Variants in TMEM178B observed in about 807,000 individuals in gnomAD.
TMEM178B encodes transmembrane protein 178B.
Under a neutral mutation model 31.0 loss-of-function variants are expected in TMEM178B, and 5 were observed. The ratio of observed to expected loss-of-function variants is 0.16; its 90% CI spans 0.08 to 0.34. The LOEUF (loss-of-function observed/expected upper bound fraction) is 0.34. Ranked by LOEUF, TMEM178B falls within the 10% of genes least tolerant of loss-of-function variation. The pLI, the probability that TMEM178B is intolerant of heterozygous loss-of-function variation, is 1.00. For missense variants in TMEM178B, 275 were observed against 400.3 expected (o/e 0.69, Z 2.67); for synonymous variants, 164 against 164.0 (o/e 1.00, Z 0.00).
At position 141,459,062 on chromosome 7, in the gene TMEM178B, T is replaced by G. The variant is rs189702128; in HGVS notation, c.635-11474T>G. 2.5e-3 allele frequency among the ~76,000 whole-genome samples: 376 copies of G among 152,346 alleles called. 3 individuals carry two copies. The highest frequency in any genetic ancestry group is 8.7e-3 in the African/African-American group (362 of 41,582). ...TTTGTTTTTTGAGACAGAGTTTCAC[T>G]CTTATTGCCCAGGCTCGTGTGCAAT... On this transcript the variant is annotated intron_variant, in intron 3 of 3. Coordinates refer to ENST00000565468, the MANE Select transcript of TMEM178B (RefSeq NM_001195278.2).
rs542630003 is a variant in TMEM178B, at chr7:141,122,594, G to A, written c.382+47902G>A. 3.3e-5 allele frequency among the ~76,000 whole-genome samples: 5 copies of A among 152,314 alleles called. No individual in the cohort carries two copies. The South Asian group carries it at 8.3e-4, about 25-fold the overall frequency. On this transcript the variant is annotated intron_variant, in intron 1 of 3. Coordinates refer to ENST00000565468, the MANE Select transcript of TMEM178B (RefSeq NM_001195278.2). ...AGCATCGTGGGAGATGAAATGCTGGGTCCAGGGACATCTCCATGTACTGTG... is the reference window on the plus strand; with the variant it reads ...AGCATCGTGGGAGATGAAATGCTGGATCCAGGGACATCTCCATGTACTGTG...
chr7:141,455,162 C>T (rs1801941067), intron 3 of TMEM178B, among the ~76,000 whole-genome samples: 1 of 152,150 alleles, frequency 6.6e-6, no homozygotes, highest in Non-Finnish European at 1.5e-5. Context: ...CTTTCTTGAC[C>T]TCTCTATCCT....
At chr7:141,510,684 T>TAAAAAAAAAA in the TMEM178B span, among the ~76,000 whole-genome samples, 1 of 3,490 alleles carries the variant, frequency 2.9e-4, no homozygotes, top group African/African-American at 4.5e-4. Context: ...AAACTCCGTC[T>TAAAAAAAAAA]CAAAAAAAAA....
intron 2 of TMEM178B, among the ~76,000 whole-genome samples, chr7:141,306,750 A>G (rs1586882893): frequency 6.6e-6 from 1 of 152,006 alleles, no homozygotes; most frequent in Admixed American, 6.6e-5. Context: ...TTAAAAAACC[A>G]CAGTGACTCC....
At position 141,187,152 on chromosome 7, in the gene TMEM178B, T is replaced by G. The variant is rs1796623386; in HGVS notation, c.383-25439T>G. 2.9e-5 allele frequency among the ~76,000 whole-genome samples: 4 copies of G among 138,506 alleles called. No homozygotes were observed. In the Admixed American group the frequency reaches 3.0e-4, roughly 11 times the overall value. 90.9% of individuals were successfully genotyped at this position (138,506 alleles called of 152,430 possible). A position where few individuals can be genotyped will look rare whatever the true frequency, so the allele number is the denominator to read the frequency against. On this transcript the variant is annotated intron_variant, in intron 1 of 3. Transcript: ENST00000565468. ...TTCCCCTTCCTGTGTCCATGTGTTC[T>G]CATTGTTCAATTCCCACCTATGAGT... is the stretch of plus-strand genomic sequence containing the variant.
chr7:141,258,161 C>CATATAT (rs56343433), intron 2 of TMEM178B, among the ~76,000 whole-genome samples: 5 of 146,804 alleles, frequency 3.4e-5, no homozygotes, highest in Non-Finnish European at 6.0e-5. Flanking sequence ...ATTATTATCT[C>CATATAT]ATATATATAT....
At chr7:141,132,679 A>T (rs1265112230) in intron 1 of TMEM178B, among the ~76,000 whole-genome samples, 1 of 152,026 alleles carries the variant, frequency 6.6e-6, no homozygotes, top group African/African-American at 2.4e-5. Flanking sequence ...CACCACCCAT[A>T]TCATGCGTGC....
chr7:141,417,790 T>C (rs529656604), intron 2 of TMEM178B, among the ~76,000 whole-genome samples: 1 of 152,346 alleles, frequency 6.6e-6, no homozygotes, highest in South Asian at 2.1e-4. Context: ...TAGCAGTTAC[T>C]TTGTGCCAGC....
chr7:141,123,285 T>G (rs1423962983), intron 1 of TMEM178B, among the ~76,000 whole-genome samples: 2 of 152,238 alleles, frequency 1.3e-5, no homozygotes, highest in Non-Finnish European at 2.9e-5. Flanking sequence ...TGGGAGTCTC[T>G]CCCTTTATAT....
At chr7:141,255,489 T>C (rs1445036647) in intron 2 of TMEM178B, among the ~76,000 whole-genome samples, 1 of 152,184 alleles carries the variant, frequency 6.6e-6, no homozygotes, top group Non-Finnish European at 1.5e-5. Context: ...GGATCACTAG[T>C]AAGGAAATTG....
At chr7:141,465,642 A>G (rs1198511122) in intron 3 of TMEM178B, among the ~76,000 whole-genome samples, 1 of 152,218 alleles carries the variant, frequency 6.6e-6, no homozygotes, top group Non-Finnish European at 1.5e-5. Context: ...AGGATCTACC[A>G]TGCACCTACA....
intron 2 of TMEM178B, chr7:141,352,290 TACAG>T (rs907472791): frequency 6.6e-6 from 1 of 151,842 alleles, no homozygotes; most frequent in Non-Finnish European, 1.5e-5. Flanking sequence ...AGGAGGGAGC[TACAG>T]ACAGACTGTG....
chr7:141,132,427 T>G (rs2129177907), intron 1 of TMEM178B, among the ~76,000 whole-genome samples: 1 of 152,364 alleles, frequency 6.6e-6, no homozygotes, highest in South Asian at 2.1e-4. Flanking sequence ...TGTTACACTT[T>G]AATCAACATT....
At chr7:141,181,903 C>T (rs913617462) in intron 1 of TMEM178B, among the ~76,000 whole-genome samples, 4 of 152,322 alleles carry the variant, frequency 2.6e-5, no homozygotes, top group African/African-American at 9.6e-5. Context: ...CCAAAGAGTC[C>T]TGCTGCTGGA....
chr7:141,247,032 C>T, intron 2 of TMEM178B, among the ~76,000 whole-genome samples: 1 of 152,018 alleles, frequency 6.6e-6, no homozygotes, highest in South Asian at 2.1e-4. Flanking sequence ...CTCTGATTCG[C>T]GATAGGACTT....
intron 2 of TMEM178B, among the ~76,000 whole-genome samples, chr7:141,379,147 CAG>C (rs1800269871): frequency 6.6e-6 from 1 of 152,098 alleles, no homozygotes; most frequent in African/African-American, 2.4e-5. Context: ...TGCCAGTTAA[CAG>C]AGTGTTCTGG....
the TMEM178B span, among the ~76,000 whole-genome samples, chr7:141,494,292 A>C: frequency 6.6e-6 from 1 of 152,176 alleles, no homozygotes; most frequent in Non-Finnish European, 1.5e-5. Flanking sequence ...CTTTATAACT[A>C]TTATATACAA....
rs1188068949 is a variant in TMEM178B at position 141,422,597 on chromosome 7, CCTCTGGCCT to C, written c.497-15009_497-15001del. On this transcript the variant is annotated intron_variant, in intron 2 of 3. Coordinates refer to ENST00000565468, the MANE Select transcript of TMEM178B (RefSeq NM_001195278.2). This position sits in a 1 kb window ranked among gnomAD's most constrained non-coding sequence, Gnocchi z 4.2. ...TGTTGCCAGAGGCAGCATGAAACAGCCTCTGGCCTCATTGTTTCAGGCCACAGCTAGGCA... is the reference window on the plus strand; with the variant it reads ...TGTTGCCAGAGGCAGCATGAAACAGCCATTGTTTCAGGCCACAGCTAGGCA... Among the ~76,000 whole-genome samples, 93 of 142,076 alleles carry C rather than the reference CCTCTGGCCT, an allele frequency of 6.5e-4. No individual in the cohort carries two copies. Among genetic ancestry groups the C allele is most frequent in the Middle Eastern group, 3.7e-3 (1 of 268 alleles). 93.2% of individuals were successfully genotyped at this position (142,076 alleles called of 152,430 possible).
chr7:141,107,728 A>G (rs1795168858), intron 1 of TMEM178B, among the ~76,000 whole-genome samples: 1 of 152,236 alleles, frequency 6.6e-6, no homozygotes. Context: ...ATATGTGTCT[A>G]GAGTTTAGCA....
Sources: gnomAD v4.1 joint callset for allele counts (sites outside exome capture counted in the v4.1 genomes callset) on GRCh38, gnomAD v4.1.1 for gene constraint, Gnocchi (gnomAD v3.1) non-coding constraint, MANE v1.5 for transcripts, NCBI Gene and HGNC (gene_info 2026-07-23, HGNC 2026-07-21) for gene names.